TVP23C: variants seen among roughly 807,000 people sequenced by gnomAD.
TVP23C encodes Golgi apparatus membrane protein TVP23 homolog C.
In TVP23C, 19 loss-of-function variants were observed where a neutral mutation model predicts 28.7. The ratio of observed to expected loss-of-function variants is 0.66; its 90% CI spans 0.46 to 0.97. TVP23C has a LOEUF of 0.97. TVP23C is among the 50% of genes least tolerant of loss of function. The pLI is 0.00. For synonymous variants in TVP23C, 68 were observed against 81.7 expected, an observed-to-expected ratio of 0.83 and a Z score of 0.90; for missense variants, 186 against 241.3, an observed-to-expected ratio of 0.77 and a Z score of 1.52.
chr17:15,529,844 G>A (rs1006558598), intron 5 of TVP23C, among the ~76,000 whole-genome samples: 11 of 151,924 alleles, frequency 7.2e-5, no homozygotes, highest in South Asian at 2.1e-4. Context: ...TGTCACCCAC[G>A]CTGGAGTCCA....
chr17:15,515,531 G>A (rs1214401652), intron 5 of TVP23C, among the ~76,000 whole-genome samples: 1 of 152,176 alleles, frequency 6.6e-6, no homozygotes, highest in Non-Finnish European at 1.5e-5. Flanking sequence ...AACTACACGA[G>A]ATACGATTTT....
chr17:15,503,555 TC>T (rs1297380109), intron 5 of TVP23C: 1 of 185,648 alleles, frequency 5.4e-6, no homozygotes, highest in African/African-American at 2.3e-5. Flanking sequence ...ATTTCAACTT[TC>T]AAAAAAAATT....
chr17:15,559,310 A>AT lies in TVP23C; in HGVS notation c.13-3947dup, dbSNP rs1199971983. Among the ~76,000 whole-genome samples the AT allele has an allele frequency of 2.9e-4, 33 of 112,638 alleles. 1 individual carries two copies. The highest frequency in any genetic ancestry group is 1.3e-3 in the South Asian group (4 of 3,138). 73.9% of individuals were successfully genotyped at this position (112,638 alleles called of 152,430 possible). ...CCAGGTACTGCTGTAAGTGGTACAGATTTAAAAAAAAAAAAAAAAAAAAAA... is the reference window on the plus strand; with the variant it reads ...CCAGGTACTGCTGTAAGTGGTACAGATTTTAAAAAAAAAAAAAAAAAAAAAA... On this transcript the variant is annotated intron_variant, in intron 1 of 5. Transcript: ENST00000518321.
chr17:15,552,453 G>A (rs1983935639), intron 3 of TVP23C, among the ~76,000 whole-genome samples: 1 of 152,052 alleles, frequency 6.6e-6, no homozygotes, highest in Admixed American at 6.5e-5. Flanking sequence ...AGGCTGAGGC[G>A]GGCAGATCAC....
At chr17:15,533,251 C>T (rs1053738151), downstream of TVP23C, among the ~76,000 whole-genome samples, 3 of 152,150 alleles carry the variant, frequency 2.0e-5, no homozygotes, top group Admixed American at 6.5e-5. Flanking sequence ...AAGCAACTTA[C>T]GGTAATGTGT....
intron 5 of TVP23C, among the ~76,000 whole-genome samples, chr17:15,513,786 A>C (rs1982103500): frequency 6.6e-6 from 1 of 152,180 alleles, no homozygotes; most frequent in Admixed American, 6.5e-5. Context: ...CTGAGTCCCT[A>C]ACTATCACCA....
intron 5 of TVP23C, among the ~76,000 whole-genome samples, chr17:15,527,934 G>A (rs1314143069): frequency 6.6e-6 from 1 of 152,098 alleles, no homozygotes; most frequent in Non-Finnish European, 1.5e-5. Context: ...TATTCTATTG[G>A]GATAACCAAT....
At chr17:15,502,599 G>A in exon 6 of TVP23C, 1 of 457,116 alleles carries the variant, frequency 2.2e-6, no homozygotes, top group Non-Finnish European at 3.7e-6. Flanking sequence ...CACAAAGCAG[G>A]CGTGCTGGGG....
At chr17:15,519,280 GA>G (rs1335924983) in intron 5 of TVP23C, among the ~76,000 whole-genome samples, 1 of 152,062 alleles carries the variant, frequency 6.6e-6, no homozygotes, top group African/African-American at 2.4e-5. Flanking sequence ...CTGCCTTCAA[GA>G]AAAGACACAC....
chr17:15,521,653 G>A (rs1982485530), intron 5 of TVP23C, among the ~76,000 whole-genome samples: 1 of 152,240 alleles, frequency 6.6e-6, no homozygotes, highest in Admixed American at 6.5e-5. Context: ...AGTTGGCATT[G>A]GAGATTAATG....
intron 5 of TVP23C, among the ~76,000 whole-genome samples, chr17:15,523,780 A>AT (rs1982590470): frequency 6.6e-6 from 1 of 151,576 alleles, no homozygotes; most frequent in Non-Finnish European, 1.5e-5. Context: ...TGCCCGGCTA[A>AT]TTTTTTGTAT....
chr17:15,507,078 T>C lies in TVP23C; in HGVS notation c.463-3846A>G, dbSNP rs1474949956. ...AGGGCGGTGACTTCACATGCCATAA[T>C]GGCACTGGTGCCTCTACGGGGAGAA... is the stretch of plus-strand genomic sequence containing the variant. On this transcript the variant is annotated intron_variant, in intron 5 of 5. Transcript: ENST00000225576. 9 of 1,148,054 alleles carry C rather than the reference T, an allele frequency of 7.8e-6. No homozygotes were observed. In the Admixed American group the frequency reaches 1.2e-4, roughly 15 times the overall value. The allele number at this position is 1,148,054 out of a possible 1,614,324, so 71.1% of individuals were successfully genotyped here.
chr17:15,527,356 T>C (rs1302820653), intron 5 of TVP23C, among the ~76,000 whole-genome samples: 2 of 151,590 alleles, frequency 1.3e-5, no homozygotes, highest in Non-Finnish European at 2.9e-5. Context: ...CTAAACAAAA[T>C]AAAAAATAAA....
chr17:15,548,756 C>G (rs562107310), intron 3 of TVP23C, among the ~76,000 whole-genome samples: 2 of 152,302 alleles, frequency 1.3e-5, no homozygotes, highest in African/African-American at 4.8e-5. Context: ...CCAAGACCCC[C>G]AGCAGATGCC....
rs1983223362 is a variant in TVP23C, at chr17:15,537,912, T to A, written c.*2500A>T. 1 of 1,433,534 alleles carries A rather than the reference T, an allele frequency of 7.0e-7. No individual in the cohort carries two copies. The highest frequency in any genetic ancestry group is 1.4e-5 in the African/African-American group (1 of 69,488). The allele number at this position is 1,433,534 out of a possible 1,614,324, so 88.8% of individuals were successfully genotyped here. On this transcript the variant is annotated 3_prime_UTR_variant, in exon 6 of 6. Coordinates refer to ENST00000518321, the MANE Select transcript of TVP23C (RefSeq NM_001135036.2). ...TACACCACAGAACAAATCTTAACAA[T>A]GTTTCTAGTGCCAACATATACTTTC... is the stretch of plus-strand genomic sequence containing the variant.
intron 1 of TVP23C, among the ~76,000 whole-genome samples, chr17:15,558,759 T>G (rs1160021188): frequency 1.3e-5 from 2 of 148,936 alleles, no homozygotes; most frequent in African/African-American, 4.9e-5. Context: ...CCCTTGAGCC[T>G]CATTCTGGAC....
chr17:15,557,555 C>T (rs2323741), intron 1 of TVP23C, among the ~76,000 whole-genome samples: 1 of 148,452 alleles, frequency 6.7e-6, no homozygotes, highest in East Asian at 2.0e-4. Flanking sequence ...CACCTCACCC[C>T]CCCATAGTGC....
Position 15,537,916 on chromosome 17 carries a change from T to G in TVP23C, c.*2496A>C. On this transcript the variant is annotated 3_prime_UTR_variant, in exon 6 of 6. Coordinates refer to ENST00000518321, the MANE Select transcript of TVP23C (RefSeq NM_001135036.2). ...CCACAGAACAAATCTTAACAATGTT[T>G]CTAGTGCCAACATATACTTTCTAGC... The G allele has an allele frequency of 7.0e-7, 1 of 1,436,034 alleles. No individual in the cohort carries two copies. Among genetic ancestry groups the G allele is most frequent in the Admixed American group, 2.9e-5 (1 of 34,096 alleles). 89.0% of individuals were successfully genotyped at this position (1,436,034 alleles called of 1,614,324 possible). A position where few individuals can be genotyped will look rare whatever the true frequency, so the allele number is the denominator to read the frequency against.
At chr17:15,528,745 G>C (rs1345761134) in intron 5 of TVP23C, among the ~76,000 whole-genome samples, 1 of 151,932 alleles carries the variant, frequency 6.6e-6, no homozygotes, top group Non-Finnish European at 1.5e-5. Flanking sequence ...TTACAGGCAT[G>C]CGCCGCCACA....
Sources: allele counts gnomAD v4.1 joint callset (sites outside exome capture counted in the v4.1 genomes callset), GRCh38; gene constraint gnomAD v4.1.1; transcripts MANE v1.5; gene names NCBI Gene and HGNC (gene_info 2026-07-23, HGNC 2026-07-21).